Variants in SYNPR observed in about 807,000 individuals in gnomAD.
SYNPR encodes synaptoporin.
SYNPR carries 23 observed loss-of-function variants against 32.9 expected under a neutral mutation model. That is an observed-to-expected ratio of 0.70 (90% confidence interval 0.50 to 0.99). SYNPR has a LOEUF of 0.99. Among genes scored for constraint, SYNPR ranks in the 50% least tolerant of loss-of-function variants. The pLI is 0.00. For missense variants in SYNPR, 318 were observed against 349.3 expected, an observed-to-expected ratio of 0.91 and a Z score of 0.71; for synonymous variants, 146 against 135.9, an observed-to-expected ratio of 1.07 and a Z score of -0.52.
At position 63,405,245 on chromosome 3, in the gene SYNPR, G is replaced by GA. The variant is rs1305955858; in HGVS notation, c.85-75583dup. On this transcript the variant is annotated intron_variant, in intron 2 of 5. Coordinates refer to ENST00000478300, the MANE Select transcript of SYNPR (RefSeq NM_001130003.2). ...GGAAAGGGGCTTCAGAATTCAATGG[G>GA]AAAATAGTAAACCATGCAATGAGTG... 2.0e-5 allele frequency among the ~76,000 whole-genome samples: 3 copies of GA among 152,262 alleles called. No individual in the cohort carries two copies. The South Asian group carries it at 6.2e-4, about 32-fold the overall frequency.
the SYNPR span, among the ~76,000 whole-genome samples, chr3:63,205,568 T>G: frequency 6.6e-6 from 1 of 152,244 alleles, no homozygotes; most frequent in Non-Finnish European, 1.5e-5. Context: ...CGCCAAACAA[T>G]GAAATCATCG....
intron 2 of SYNPR, among the ~76,000 whole-genome samples, chr3:63,350,499 G>A (rs998489124): frequency 1.3e-4 from 20 of 152,338 alleles, no homozygotes; most frequent in Non-Finnish European, 2.5e-4. Flanking sequence ...AAAGCTGTGT[G>A]TGTATGCCTG....
intron 3 of SYNPR, among the ~76,000 whole-genome samples, chr3:63,490,217 G>C (rs1015721351): frequency 1.3e-5 from 2 of 152,044 alleles, no homozygotes; most frequent in Admixed American, 6.6e-5. Context: ...ATCTGAGATT[G>C]GGGAGAGTCT....
chr3:63,483,603 TG>T (rs531305834), intron 3 of SYNPR, among the ~76,000 whole-genome samples: 28 of 152,270 alleles, frequency 1.8e-4, no homozygotes, highest in African/African-American at 6.5e-4. Flanking sequence ...TATGATACCT[TG>T]GTAATTTTAA....
chr3:63,420,621 A>G (rs1045945040), intron 2 of SYNPR, among the ~76,000 whole-genome samples: 1 of 152,222 alleles, frequency 6.6e-6, no homozygotes, highest in Admixed American at 6.5e-5. Flanking sequence ...AAATATCTTT[A>G]TAATTTCAGA....
In SYNPR at chr3:63,398,491, C is replaced by T. The variant is rs9757176; in HGVS notation, c.85-82341C>T. Among the ~76,000 whole-genome samples, 251 of 151,726 alleles carry T rather than the reference C, an allele frequency of 1.7e-3. 4 individuals are homozygous for T. The highest frequency in any genetic ancestry group is 0.01 in the Middle Eastern group (3 of 294). On this transcript the variant is annotated intron_variant, in intron 2 of 5. Coordinates refer to ENST00000478300, the MANE Select transcript of SYNPR (RefSeq NM_001130003.2). Reference sequence around the variant, plus strand: ...ATCCCAGCACTTTGGGAGGCCAAGGCGGGCAGATCACGAGGTCAGGAGATC... The same window carrying T: ...ATCCCAGCACTTTGGGAGGCCAAGGTGGGCAGATCACGAGGTCAGGAGATC...
the SYNPR span, among the ~76,000 whole-genome samples, chr3:63,221,959 A>G: frequency 3.4e-5 from 5 of 148,588 alleles, no homozygotes; most frequent in Non-Finnish European, 7.4e-5. Context: ...GTAGCAATCA[A>G]AGCAGCAGTA....
At chr3:63,443,931 G>T (rs1441656619) in intron 2 of SYNPR, among the ~76,000 whole-genome samples, 1 of 152,134 alleles carries the variant, frequency 6.6e-6, no homozygotes, top group Admixed American at 6.6e-5. Flanking sequence ...GTGCTGAAAG[G>T]TGCTAGTTTT....
intron 2 of SYNPR, among the ~76,000 whole-genome samples, chr3:63,322,444 A>G (rs1333478554): frequency 6.6e-6 from 1 of 152,102 alleles, no homozygotes; most frequent in Non-Finnish European, 1.5e-5. Flanking sequence ...TCCTGAAGTC[A>G]CATAGTTTAG....
chr3:63,488,249 T>C (rs1701193508), intron 3 of SYNPR, among the ~76,000 whole-genome samples: 1 of 152,252 alleles, frequency 6.6e-6, no homozygotes, highest in Non-Finnish European at 1.5e-5. Flanking sequence ...ATTTAAGTAT[T>C]CATTTATTGT....
intron 2 of SYNPR, among the ~76,000 whole-genome samples, chr3:63,421,031 C>A (rs573325127): frequency 3.3e-5 from 5 of 152,224 alleles, no homozygotes; most frequent in African/African-American, 1.2e-4. Flanking sequence ...CAGGCACATA[C>A]CACCATGCCC....
intron 2 of SYNPR, among the ~76,000 whole-genome samples, chr3:63,295,807 T>C (rs17310687): frequency 0.12 from 18,708 of 152,300 alleles, 1,263 homozygotes; most frequent in Non-Finnish European, 0.16. Flanking sequence ...TGAGATTAGA[T>C]GTTTCCCACA....
chr3:63,323,243 C>T (rs1162479637), intron 2 of SYNPR, among the ~76,000 whole-genome samples: 3 of 151,920 alleles, frequency 2.0e-5, no homozygotes, highest in Non-Finnish European at 4.4e-5. Flanking sequence ...CAAAACTGGC[C>T]CCAGAGGAAA....
At chr3:63,354,921 C>T (rs1402813262) in intron 2 of SYNPR, among the ~76,000 whole-genome samples, 1 of 152,112 alleles carries the variant, frequency 6.6e-6, no homozygotes, top group Non-Finnish European at 1.5e-5. Context: ...CTGGGGAGTA[C>T]GTATGCTTTG....
At chr3:63,370,032 G>A (rs1207069031) in intron 2 of SYNPR, among the ~76,000 whole-genome samples, 1 of 152,038 alleles carries the variant, frequency 6.6e-6, no homozygotes, top group African/African-American at 2.4e-5. Context: ...TCTAAAGCAG[G>A]GAATAAAATT....
intron 3 of SYNPR, among the ~76,000 whole-genome samples, chr3:63,501,952 G>A (rs1406836333): frequency 6.6e-6 from 1 of 152,036 alleles, no homozygotes; most frequent in Non-Finnish European, 1.5e-5. Flanking sequence ...TCTGAATGGA[G>A]GTATGCTGTA....
chr3:63,246,285 C>G (rs1289604353), intron 1 of SYNPR, among the ~76,000 whole-genome samples: 2 of 152,200 alleles, frequency 1.3e-5, no homozygotes, highest in Admixed American at 6.5e-5. Context: ...CTGGAGTCCC[C>G]CAGATACTCC....
intron 3 of SYNPR, among the ~76,000 whole-genome samples, chr3:63,541,507 G>A (rs1265992162): frequency 1.3e-5 from 2 of 152,136 alleles, no homozygotes; most frequent in Admixed American, 1.3e-4. Flanking sequence ...CCACTGAATA[G>A]TAGGGGGAGT....
At chr3:63,550,342 T>C (rs73831891) in intron 3 of SYNPR, among the ~76,000 whole-genome samples, 6 of 151,932 alleles carry the variant, frequency 3.9e-5, no homozygotes, top group African/African-American at 1.4e-4. Context: ...TACGTGTGTG[T>C]ATATATAGAT....
Sources: allele counts gnomAD v4.1 joint callset (sites outside exome capture counted in the v4.1 genomes callset), GRCh38; gene constraint gnomAD v4.1.1; transcripts MANE v1.5; gene names NCBI Gene and HGNC (gene_info 2026-07-23, HGNC 2026-07-21).